Variants in NRP1 observed in about 807,000 individuals in gnomAD.
NRP1 encodes neuropilin 1.
In NRP1, 35 loss-of-function variants were observed where a neutral mutation model predicts 106.7. That is an observed-to-expected ratio of 0.33 (90% CI 0.25 to 0.43). NRP1 has a LOEUF of 0.43. Ranked by LOEUF, NRP1 falls within the 20% of genes least tolerant of loss-of-function variation. NRP1 has a pLI of 1.00. For synonymous variants in NRP1, 437 were observed against 417.9 expected (o/e 1.05, Z -0.56); for missense variants, 1,024 against 1,170.4 (o/e 0.87, Z 1.83).
chr10:33,261,286 T>G (rs762817101), intron 4 of NRP1, among the ~76,000 whole-genome samples: 2 of 152,244 alleles, frequency 1.3e-5, no homozygotes, highest in Non-Finnish European at 2.9e-5. Context: ...AATAACAATG[T>G]GCCTTCTTTC....
chr10:33,207,440 G>T, intron 10 of NRP1, 132 bp downstream of exon 10: 1 of 882,596 alleles, frequency 1.1e-6, no homozygotes, highest in Non-Finnish European at 1.7e-6. Flanking sequence ...TCTCACTGAT[G>T]GGCAGGCACC....
At chr10:33,319,253 G>A (rs1050647651) in intron 2 of NRP1, among the ~76,000 whole-genome samples, 1 of 151,944 alleles carries the variant, frequency 6.6e-6, no homozygotes, top group Non-Finnish European at 1.5e-5. Flanking sequence ...TGATCCGCCC[G>A]CCTCAGCCTC....
At position 33,267,859 on chromosome 10, in the gene NRP1, C is replaced by T. The variant is rs140371066; in HGVS notation, c.430+2816G>A. The stretch of plus-strand genomic sequence containing the variant: ...ATGGCTCCAGGAAGGCAGGAAGAAG[C>T]GGGGCTGGCCTTGTTGACTGTCAGG... On this transcript the variant is annotated intron_variant, in intron 3 of 16. Transcript: ENST00000374867. 3.3e-3 allele frequency among the ~76,000 whole-genome samples: 496 copies of T among 152,236 alleles called. 2 individuals carry two copies. The highest frequency in any genetic ancestry group is 0.011 in the African/African-American group (466 of 41,538).
intron 6 of NRP1, among the ~76,000 whole-genome samples, chr10:33,240,647 C>T (rs1037101797): frequency 6.6e-6 from 1 of 152,118 alleles, no homozygotes; most frequent in Non-Finnish European, 1.5e-5. Context: ...AGGTGGGCCT[C>T]TCCTGGTAAT....
At chr10:33,231,812 C>T (rs1158319073) in intron 6 of NRP1, among the ~76,000 whole-genome samples, 1 of 152,020 alleles carries the variant, frequency 6.6e-6, no homozygotes. Flanking sequence ...GGGGGATAAA[C>T]AGTAGGAGCT....
chr10:33,241,353 AT>A (rs1841000630), intron 6 of NRP1, among the ~76,000 whole-genome samples: 1 of 152,196 alleles, frequency 6.6e-6, no homozygotes, highest in African/African-American at 2.4e-5. Flanking sequence ...GGAAAAAAAA[AT>A]CTATCGATAC....
rs1836664449 is a variant in NRP1, at chr10:33,194,849, A to T, written c.1925-2431T>A. The stretch of plus-strand genomic sequence containing the variant: ...AGGGAAAAGAAAGAGAGAAGGACAG[A>T]GGAAAGGAGAAAGGGAGAGAGAAAA... On this transcript the variant is annotated intron_variant, in intron 12 of 16. Transcript: ENST00000374867. The T allele has an allele frequency of 7.6e-5, 36 of 472,272 alleles. 1 individual carries two copies. The highest frequency in any genetic ancestry group is 5.6e-4 in the South Asian group (36 of 64,128). The allele number at this position is 472,272 out of a possible 1,614,324, so 29.3% of individuals were successfully genotyped here.
At chr10:33,196,916 T>TA (rs533510863) in intron 12 of NRP1, among the ~76,000 whole-genome samples, 81 of 152,320 alleles carry the variant, frequency 5.3e-4, no homozygotes, top group African/African-American at 1.8e-3. Flanking sequence ...CTGTTCACCT[T>TA]AGTCTAATGA....
chr10:33,222,677 C>T (rs1839357702), intron 7 of NRP1, among the ~76,000 whole-genome samples: 1 of 152,062 alleles, frequency 6.6e-6, no homozygotes, highest in Non-Finnish European at 1.5e-5. Context: ...CCCACAGCCA[C>T]ACCCAGCTAA....
intron 2 of NRP1, among the ~76,000 whole-genome samples, chr10:33,309,295 C>T (rs1332766645): frequency 1.3e-5 from 2 of 152,192 alleles, no homozygotes; most frequent in Non-Finnish European, 2.9e-5. Context: ...TGTGAGAGGG[C>T]TACATAAGTT....
rs530685797 is a variant in NRP1 at position 33,278,750 on chromosome 10, C to T, written c.249-7894G>A. ...ATATCATACTGAGATGACCAGTTCTCGAATAATCAAAGTACAGTAGAGCTC... is the reference window on the plus strand; with the variant it reads ...ATATCATACTGAGATGACCAGTTCTTGAATAATCAAAGTACAGTAGAGCTC... On this transcript the variant is annotated intron_variant, in intron 2 of 16. Transcript: ENST00000374867. 2.0e-5 allele frequency among the ~76,000 whole-genome samples: 3 copies of T among 152,046 alleles called. No individual in the cohort carries two copies. In the South Asian group the frequency reaches 6.3e-4, roughly 32 times the overall value.
At chr10:33,209,263 T>C (rs1201989613) in intron 9 of NRP1, among the ~76,000 whole-genome samples, 1 of 152,012 alleles carries the variant, frequency 6.6e-6, no homozygotes, top group African/African-American at 2.4e-5. Context: ...ATTTTACAAA[T>C]GAAGGTAAAT....
intron 3 of NRP1, among the ~76,000 whole-genome samples, chr10:33,270,133 A>C (rs1843199254): frequency 6.6e-6 from 1 of 151,412 alleles, no homozygotes; most frequent in Non-Finnish European, 1.5e-5. Flanking sequence ...TCAGATGGGT[A>C]CAATTTTGAT....
intron 4 of NRP1, among the ~76,000 whole-genome samples, chr10:33,263,100 G>A (rs1386057680): frequency 6.6e-6 from 1 of 152,240 alleles, no homozygotes; most frequent in Non-Finnish European, 1.5e-5. Context: ...TGTAGAGAAT[G>A]TACAGGGAAC....
intron 9 of NRP1, among the ~76,000 whole-genome samples, chr10:33,208,014 C>A (rs995030511): frequency 2.0e-5 from 3 of 152,160 alleles, no homozygotes; most frequent in Non-Finnish European, 4.4e-5. Context: ...CAGTCTTACC[C>A]TCCCTGGGCT....
In NRP1 at chr10:33,284,318, T is replaced by C. The variant is rs565170991; in HGVS notation, c.249-13462A>G. Among the ~76,000 whole-genome samples the C allele has an allele frequency of 7.9e-5, 12 of 152,360 alleles. No homozygotes were observed. The South Asian group carries it at 1.4e-3, about 18-fold the overall frequency. On this transcript the variant is annotated intron_variant, in intron 2 of 16. Coordinates refer to ENST00000374867, the MANE Select transcript of NRP1 (RefSeq NM_003873.7). ...ATACATTTAATGTAGACAGCTGCAG[T>C]TGACTGCCCTTTATGCATAAAATTT...
Position 33,310,273 on chromosome 10 carries a change from C to CA in NRP1, c.248+20434dup, listed in dbSNP as rs569798881. 4.8e-5 allele frequency among the ~76,000 whole-genome samples: 4 copies of CA among 83,054 alleles called. No individual in the cohort carries two copies. The Admixed American group carries it at 7.1e-4, about 15-fold the overall frequency. The allele number at this position is 83,054 out of a possible 152,430, so 54.5% of individuals were successfully genotyped here. A position where few individuals can be genotyped will look rare whatever the true frequency, so the allele number is the denominator to read the frequency against. ...CTTTTTTTTTTTTTTTTTTTCGAGA[C>CA]AGAGTCTTGCTCTGTCGCCCAGGCT... On this transcript the variant is annotated intron_variant, in intron 2 of 16. Transcript: ENST00000374867.
At chr10:33,297,944 T>G (rs965320150) in intron 2 of NRP1, among the ~76,000 whole-genome samples, 2 of 152,090 alleles carry the variant, frequency 1.3e-5, no homozygotes, top group African/African-American at 4.8e-5. Context: ...GGAATCATAT[T>G]ATCTTCTGAA....
At chr10:33,189,847 G>T (rs150695560) in intron 13 of NRP1, among the ~76,000 whole-genome samples, 16 of 152,312 alleles carry the variant, frequency 1.1e-4, no homozygotes, top group African/African-American at 3.6e-4. Context: ...CGGGAGCTTC[G>T]TGAAGGGCTC....
Sources: gnomAD v4.1 joint callset for allele counts (sites outside exome capture counted in the v4.1 genomes callset) on GRCh38, gnomAD v4.1.1 for gene constraint, MANE v1.5 for transcripts, NCBI Gene and HGNC (gene_info 2026-07-23, HGNC 2026-07-21) for gene names.